Variants in FNIP2 observed in about 807,000 individuals in gnomAD.
The protein encoded by FNIP2 is folliculin-interacting protein 2.
FNIP2 carries 32 observed loss-of-function variants against 108.7 expected under a neutral mutation model. The observed-to-expected ratio is 0.29, with a 90% CI of 0.22 to 0.40. The LOEUF (loss-of-function observed/expected upper bound fraction) is 0.40, where lower values mean the gene tolerates loss of function less well. FNIP2 is among the 10% of genes least tolerant of loss of function. The pLI is 1.00. For synonymous variants in FNIP2, 480 were observed against 496.7 expected, an observed-to-expected ratio of 0.97 and a Z score of 0.45; for missense variants, 1,202 against 1,381.6, an observed-to-expected ratio of 0.87 and a Z score of 2.06.
intron 1 of FNIP2, among the ~76,000 whole-genome samples, chr4:158,775,655 T>C (rs555355627): frequency 3.3e-5 from 5 of 152,376 alleles, no homozygotes; most frequent in African/African-American, 1.2e-4. Context: ...AATGGACTTC[T>C]GAAAAGGACA....
chr4:158,839,819 C>T (rs1381304268), intron 7 of FNIP2, among the ~76,000 whole-genome samples: 4 of 152,132 alleles, frequency 2.6e-5, no homozygotes, highest in Non-Finnish European at 5.9e-5. Context: ...CAAGATGCTC[C>T]AGAGTCATCT....
rs533206209 is a variant in FNIP2, at chr4:158,856,618, G to C, written c.858-2439G>C. Among the ~76,000 whole-genome samples the C allele has an allele frequency of 3.3e-5, 5 of 152,304 alleles. No individual in the cohort carries two copies. The East Asian group carries it at 7.7e-4, about 24-fold the overall frequency. ...AGCATGAGCACCAGCAGACAGATTA[G>C]GCATGGGGTCAGAATCCCTGGTCAT... On this transcript the variant is annotated intron_variant, in intron 8 of 16. Coordinates refer to ENST00000264433, the MANE Select transcript of FNIP2 (RefSeq NM_020840.3).
At chr4:158,822,404 G>C (rs1425003820) in intron 1 of FNIP2, among the ~76,000 whole-genome samples, 1 of 151,966 alleles carries the variant, frequency 6.6e-6, no homozygotes. Context: ...CAAACGCCTG[G>C]GCTCAAGCGA....
intron 1 of FNIP2, among the ~76,000 whole-genome samples, chr4:158,782,256 G>A (rs1776075350): frequency 6.6e-6 from 1 of 152,132 alleles, no homozygotes; most frequent in Non-Finnish European, 1.5e-5. Context: ...TTTGGTGCTG[G>A]GATGCAAGTT....
intron 15 of FNIP2, among the ~76,000 whole-genome samples, chr4:158,892,666 C>G (rs568147053): frequency 4.8e-4 from 73 of 152,190 alleles, no homozygotes; most frequent in African/African-American, 1.7e-3. Context: ...TGGCATATAG[C>G]TGGGTAGAGC....
At chr4:158,884,177 T>C (rs564443265) in intron 14 of FNIP2, among the ~76,000 whole-genome samples, 1 of 152,258 alleles carries the variant, frequency 6.6e-6, no homozygotes, top group East Asian at 1.9e-4. Flanking sequence ...TTATGGTGCA[T>C]TGGAGGTATA....
At position 158,868,856 on chromosome 4, in the gene FNIP2, A is replaced by T. The variant is rs756934778; in HGVS notation, c.2220A>T (p.Glu740Asp). 4.3e-6 allele frequency: 7 copies of T among 1,613,656 alleles called. No individual in the cohort carries two copies. The highest frequency in any genetic ancestry group is 5.9e-6 in the Non-Finnish European group (7 of 1,179,864). ...AAAGCCGCATGAAAAAAATGGAGGA[A>T]CGGGTGAAGGCCTGTGGCCCCTCCT... ...DFESRMKKME[E>D]RVKACGPSLE... is the part of the protein sequence containing the mutation. The change falls in exon 13 of 17, where the codon GAA (glutamate) becomes GAT (aspartate). Residue 740 changes from glutamate (E) to aspartate (D), a missense_variant. Physicochemically the swap from Glu to Asp is conservative, Grantham distance 45 (BLOSUM62 2). Coordinates refer to ENST00000264433, the MANE Select transcript of FNIP2 (RefSeq NM_020840.3). The surrounding 1 kb of genome is among the most constrained non-coding windows in gnomAD (Gnocchi z 4.6).
At chr4:158,860,840 A>G (rs2126678270) in intron 10 of FNIP2, among the ~76,000 whole-genome samples, 1 of 151,960 alleles carries the variant, frequency 6.6e-6, no homozygotes, top group Non-Finnish European at 1.5e-5. Context: ...TATTTTTAGT[A>G]GAGACGGGGT....
intron 16 of FNIP2, among the ~76,000 whole-genome samples, chr4:158,898,307 C>A (rs772449604): frequency 1.6e-4 from 24 of 152,204 alleles, no homozygotes; most frequent in Non-Finnish European, 2.6e-4. Flanking sequence ...CTTAGGATTG[C>A]CTTGGCTATG....
At chr4:158,785,794 C>T (rs1776207825) in intron 1 of FNIP2, among the ~76,000 whole-genome samples, 1 of 151,200 alleles carries the variant, frequency 6.6e-6, no homozygotes, top group Non-Finnish European at 1.5e-5. Flanking sequence ...TTGAAATTCA[C>T]TGCCAAGAAA....
intron 8 of FNIP2, among the ~76,000 whole-genome samples, chr4:158,853,240 A>G (rs1779797334): frequency 6.6e-6 from 1 of 152,162 alleles, no homozygotes; most frequent in African/African-American, 2.4e-5. Context: ...CTTTCAGTGG[A>G]TATAATTGAA....
intron 6 of FNIP2, chr4:158,834,534 C>T (rs559081721): frequency 2.6e-5 from 4 of 152,216 alleles, no homozygotes; most frequent in African/African-American, 9.6e-5. Flanking sequence ...TTAACTGACA[C>T]CCTGATAAAA....
chr4:158,861,981 A>G (rs1274631384), intron 12 of FNIP2, among the ~76,000 whole-genome samples: 1 of 152,034 alleles, frequency 6.6e-6, no homozygotes, highest in Non-Finnish European at 1.5e-5. Context: ...TTTGTGCTAC[A>G]CTCTTAAAGC....
chr4:158,800,615 T>C (rs35185176), intron 1 of FNIP2, among the ~76,000 whole-genome samples: 44,303 of 152,132 alleles, frequency 0.29, 7,198 homozygotes, highest in Non-Finnish European at 0.38. Flanking sequence ...ATGCCTATTA[T>C]TAGAAAATTC....
chr4:158,873,642 C>G (rs1781091495), intron 14 of FNIP2, among the ~76,000 whole-genome samples: 1 of 152,174 alleles, frequency 6.6e-6, no homozygotes, highest in Admixed American at 6.5e-5. Context: ...GATATAGTAA[C>G]TACTTCATCA....
At chr4:158,778,399 A>G (rs1775926716) in intron 1 of FNIP2, among the ~76,000 whole-genome samples, 2 of 152,238 alleles carry the variant, frequency 1.3e-5, no homozygotes, top group South Asian at 4.1e-4. Flanking sequence ...AAAAAAGAAG[A>G]AAGAAGATTC....
At chr4:158,770,599 A>G (rs1444724738) in intron 1 of FNIP2, among the ~76,000 whole-genome samples, 1 of 152,070 alleles carries the variant, frequency 6.6e-6, no homozygotes, top group South Asian at 2.1e-4. Flanking sequence ...TATTGTGAGG[A>G]CCTTAAACTC....
chr4:158,874,966 A>G (rs1781177438), intron 14 of FNIP2, among the ~76,000 whole-genome samples: 1 of 151,282 alleles, frequency 6.6e-6, no homozygotes, highest in Admixed American at 6.6e-5. Context: ...GGGTGCCTGT[A>G]GTCCCAGCTA....
chr4:158,892,650 G>T (rs1179373449), intron 15 of FNIP2, among the ~76,000 whole-genome samples: 1 of 152,086 alleles, frequency 6.6e-6, no homozygotes, highest in Non-Finnish European at 1.5e-5. Flanking sequence ...GAAGCTTAAG[G>T]GCATATGGCA....
Sources: gnomAD v4.1 joint callset for allele counts (sites outside exome capture counted in the v4.1 genomes callset) on GRCh38, gnomAD v4.1.1 for gene constraint, Gnocchi (gnomAD v3.1) non-coding constraint, MANE v1.5 for transcripts, NCBI Gene and HGNC (gene_info 2026-07-23, HGNC 2026-07-21) for gene names.